Variants in PRKG1 observed in about 807,000 individuals in gnomAD.
PRKG1 encodes the protein cGMP-dependent protein kinase 1.
In PRKG1, 35 loss-of-function variants were observed where a neutral mutation model predicts 88.1. The ratio of observed to expected loss-of-function variants is 0.40; its 90% CI spans 0.30 to 0.53. PRKG1 has a LOEUF of 0.53. Ranked by LOEUF, PRKG1 falls within the 20% of genes least tolerant of loss-of-function variation. PRKG1 has a pLI of 0.59. For missense variants in PRKG1, 540 were observed against 839.8 expected (o/e 0.64, Z 4.41); for synonymous variants, 303 against 292.5 (o/e 1.04, Z -0.37).
intron 2 of PRKG1, among the ~76,000 whole-genome samples, chr10:51,311,902 A>G (rs1407046214): frequency 6.6e-6 from 1 of 151,224 alleles, no homozygotes. Flanking sequence ...ATGGTGTTTC[A>G]CTCTTGTTAC....
At chr10:51,706,567 A>G (rs1225804189) in intron 3 of PRKG1, among the ~76,000 whole-genome samples, 4 of 152,196 alleles carry the variant, frequency 2.6e-5, no homozygotes, top group Non-Finnish European at 5.9e-5. Flanking sequence ...AGGAAAGGAA[A>G]GAAATTAGAC....
At chr10:51,904,763 T>C (rs1197425130) in intron 4 of PRKG1, among the ~76,000 whole-genome samples, 1 of 152,138 alleles carries the variant, frequency 6.6e-6, no homozygotes, top group East Asian at 1.9e-4. Context: ...TTTTGAGGCA[T>C]TTAAAAGAGG....
At chr10:51,721,615 C>T (rs1037867311) in intron 3 of PRKG1, among the ~76,000 whole-genome samples, 4 of 152,066 alleles carry the variant, frequency 2.6e-5, no homozygotes, top group Middle Eastern at 3.2e-3. Context: ...CTTTAGTGCA[C>T]GAGGCTCACA....
intron 2 of PRKG1, among the ~76,000 whole-genome samples, chr10:51,182,900 G>T (rs1472549218): frequency 6.6e-6 from 1 of 152,056 alleles, no homozygotes; most frequent in African/African-American, 2.4e-5. Flanking sequence ...CCTGGGAATG[G>T]GCAGTCCTGG....
At chr10:51,527,441 A>G (rs1475392279) in intron 3 of PRKG1, among the ~76,000 whole-genome samples, 3 of 152,142 alleles carry the variant, frequency 2.0e-5, no homozygotes, top group Non-Finnish European at 4.4e-5. Context: ...AAAAACAAAA[A>G]CAGTGGAAAT....
chr10:51,643,185 C>G (rs1445128043), intron 3 of PRKG1, among the ~76,000 whole-genome samples: 1 of 152,184 alleles, frequency 6.6e-6, no homozygotes, highest in East Asian at 1.9e-4. Context: ...TAACAGGTGT[C>G]ATATTTGAGA....
At chr10:51,878,408 CTATACCAAATGGA>C (rs1237403088) in intron 4 of PRKG1, among the ~76,000 whole-genome samples, 2 of 152,086 alleles carry the variant, frequency 1.3e-5, no homozygotes, top group African/African-American at 4.8e-5. Context: ...AGTGGCAAAT[CTATACCAAATGGA>C]TAACATCAGT....
At chr10:51,816,096 C>G (rs1180742471) in intron 4 of PRKG1, among the ~76,000 whole-genome samples, 1 of 152,178 alleles carries the variant, frequency 6.6e-6, no homozygotes, top group Non-Finnish European at 1.5e-5. Flanking sequence ...AATTTATTTA[C>G]CAATATGATT....
intron 2 of PRKG1, among the ~76,000 whole-genome samples, chr10:51,238,153 C>T (rs749785647): frequency 5.9e-5 from 9 of 152,112 alleles, no homozygotes; most frequent in Non-Finnish European, 1.2e-4. Flanking sequence ...AAGCATGATT[C>T]TTTTTCACTG....
chr10:51,840,609 C>A (rs12265600), intron 4 of PRKG1, among the ~76,000 whole-genome samples: 3 of 151,674 alleles, frequency 2.0e-5, no homozygotes, highest in Non-Finnish European at 4.4e-5. Context: ...TGCAGTGGCG[C>A]GACCTCAGCT....
At chr10:52,053,398 G>A (rs1370986614) in intron 5 of PRKG1, among the ~76,000 whole-genome samples, 1 of 152,160 alleles carries the variant, frequency 6.6e-6, no homozygotes, top group Non-Finnish European at 1.5e-5. Context: ...CACTTTATGT[G>A]TTAAGAAAAA....
intron 3 of PRKG1, among the ~76,000 whole-genome samples, chr10:51,615,929 G>T (rs1589133023): frequency 6.6e-6 from 1 of 151,996 alleles, no homozygotes; most frequent in African/African-American, 2.4e-5. Context: ...CTGCACATCT[G>T]ATGTAATAGT....
At chr10:52,248,475 C>T (rs1316196270) in intron 9 of PRKG1, among the ~76,000 whole-genome samples, 1 of 152,036 alleles carries the variant, frequency 6.6e-6, no homozygotes, top group Non-Finnish European at 1.5e-5. Flanking sequence ...ATTCAAAGAC[C>T]GCTTCAAAAT....
At chr10:51,948,588 A>G (rs1843112409) in intron 5 of PRKG1, among the ~76,000 whole-genome samples, 1 of 151,972 alleles carries the variant, frequency 6.6e-6, no homozygotes, top group Non-Finnish European at 1.5e-5. Flanking sequence ...TTTTAAAAGA[A>G]TACATATACT....
chr10:52,170,999 A>G (rs576597552), intron 9 of PRKG1, among the ~76,000 whole-genome samples: 3 of 152,162 alleles, frequency 2.0e-5, no homozygotes, highest in East Asian at 1.9e-4. Context: ...GTTTAGTAAC[A>G]TCTTCTGAAA....
intron 2 of PRKG1, among the ~76,000 whole-genome samples, chr10:51,464,619 C>T (rs1449828441): frequency 3.3e-5 from 5 of 151,776 alleles, no homozygotes; most frequent in Admixed American, 1.3e-4. Flanking sequence ...AGGCCGGGTG[C>T]GGTGGCTCAC....
intron 1 of PRKG1, among the ~76,000 whole-genome samples, chr10:51,101,299 A>C (rs1381250493): frequency 6.6e-6 from 1 of 152,190 alleles, no homozygotes; most frequent in African/African-American, 2.4e-5. Flanking sequence ...GTACGGACAC[A>C]ACAGGAAGAT....
chr10:51,079,694 T>TGTGC (rs1844057119), intron 1 of PRKG1, among the ~76,000 whole-genome samples: 1 of 152,040 alleles, frequency 6.6e-6, no homozygotes, highest in South Asian at 2.1e-4. Flanking sequence ...TGTGTGTGTG[T>TGTGC]GTGTGTGTGT....
chr10:51,092,224 T>C (rs1167041646), intron 1 of PRKG1, among the ~76,000 whole-genome samples: 1 of 152,144 alleles, frequency 6.6e-6, no homozygotes, highest in Non-Finnish European at 1.5e-5. Flanking sequence ...TGGACAAGCA[T>C]ACATGAGAAA....
Sources: allele counts gnomAD v4.1 joint callset (sites outside exome capture counted in the v4.1 genomes callset), GRCh38; gene constraint gnomAD v4.1.1; transcripts MANE v1.5; gene names NCBI Gene and HGNC (gene_info 2026-07-23, HGNC 2026-07-21).